The following PTPRN2 variants were observed in gnomAD, a reference collection of about 807,000 sequenced individuals.
PTPRN2 encodes receptor-type tyrosine-protein phosphatase N2.
PTPRN2 carries 74 observed loss-of-function variants against 118.8 expected under a neutral mutation model. The ratio of observed to expected loss-of-function variants is 0.62; its 90% confidence interval spans 0.52 to 0.76. The LOEUF (loss-of-function observed/expected upper bound fraction) is 0.76, where lower values mean the gene tolerates loss of function less well. Ranked by LOEUF, PTPRN2 falls within the 30% of genes least tolerant of loss-of-function variation. The probability of loss-of-function intolerance (pLI) is 0.00; values close to 1 mark genes in which losing one functional copy is unlikely to be tolerated. For synonymous variants in PTPRN2, 641 were observed against 608.0 expected (o/e 1.05, Z -0.80); for missense variants, 1,481 against 1,394.4 (o/e 1.06, Z -0.99).
chr7:157,609,496 G>T lies in PTPRN2; in HGVS notation c.2345-5421C>A, dbSNP rs1802202852. On this transcript the variant is annotated intron_variant, in intron 15 of 22. Transcript: ENST00000389418. This position sits in a 1 kb window ranked among gnomAD's most constrained non-coding sequence, Gnocchi z 4.9. ...CATCCTGGACCCAGTGGCCATCCTG[G>T]ACCACGGACAGAACAGGGACTACTT... 6.6e-6 allele frequency among the ~76,000 whole-genome samples: 1 copy of T among 152,168 alleles called. No homozygotes were observed. The highest frequency in any genetic ancestry group is 6.5e-5 in the Admixed American group (1 of 15,278).
chr7:157,786,149 C>G (rs1761349909), intron 12 of PTPRN2, among the ~76,000 whole-genome samples: 1 of 152,220 alleles, frequency 6.6e-6, no homozygotes, highest in African/African-American at 2.4e-5. Flanking sequence ...CTCGGGCCAG[C>G]CCTGCGTGGG....
chr7:158,417,374 A>G (rs1461846467), intron 2 of PTPRN2, among the ~76,000 whole-genome samples: 1 of 151,740 alleles, frequency 6.6e-6, no homozygotes, highest in Non-Finnish European at 1.5e-5. Context: ...GGTGTACTAC[A>G]TCGAGATGCT....
intron 1 of PTPRN2, among the ~76,000 whole-genome samples, chr7:158,585,138 C>T (rs1444360146): frequency 2.6e-5 from 4 of 152,174 alleles, no homozygotes; most frequent in Non-Finnish European, 4.4e-5. Context: ...AAGATCCAGA[C>T]AGGAGAGAAA....
intron 11 of PTPRN2, among the ~76,000 whole-genome samples, chr7:157,909,888 G>T (rs1038110570): frequency 6.6e-5 from 10 of 152,218 alleles, no homozygotes; most frequent in African/African-American, 2.4e-4. Context: ...TCTGTTGAGG[G>T]AATGAATAAG....
chr7:157,997,267 G>T (rs1804822535), intron 11 of PTPRN2, among the ~76,000 whole-genome samples: 1 of 152,238 alleles, frequency 6.6e-6, no homozygotes, highest in South Asian at 2.1e-4. Flanking sequence ...GGGCCCGCCT[G>T]GCCTGGGCTC....
chr7:157,648,497 C>T (rs878866181), intron 14 of PTPRN2, among the ~76,000 whole-genome samples: 21 of 104,424 alleles, frequency 2.0e-4, no homozygotes, highest in South Asian at 7.8e-4. Flanking sequence ...CTCGGTGGGT[C>T]GGACCCATCC....
chr7:157,648,489 C>T (rs867920274), intron 14 of PTPRN2, among the ~76,000 whole-genome samples: 39 of 121,078 alleles, frequency 3.2e-4, no homozygotes, highest in African/African-American at 9.1e-4. Flanking sequence ...GCACTGAACT[C>T]GGTGGGTCGG....
intron 1 of PTPRN2, among the ~76,000 whole-genome samples, chr7:158,512,586 G>A (rs967448430): frequency 2.6e-5 from 4 of 151,806 alleles, no homozygotes; most frequent in Admixed American, 2.6e-4. Context: ...ACATCTTCTC[G>A]CTCCGTCAGC....
intron 3 of PTPRN2, among the ~76,000 whole-genome samples, chr7:158,268,333 G>C (rs1042325491): frequency 6.6e-6 from 1 of 151,040 alleles, no homozygotes; most frequent in African/African-American, 2.4e-5. Flanking sequence ...CACGCACACA[G>C]GGCGGGTGTG....
At chr7:158,112,324 A>ACC (rs1383662436) in intron 9 of PTPRN2, among the ~76,000 whole-genome samples, 1 of 152,212 alleles carries the variant, frequency 6.6e-6, no homozygotes, top group Non-Finnish European at 1.5e-5. Context: ...CCCCGTTTGA[A>ACC]CAGAGGTGAA....
chr7:158,164,222 C>G (rs898705281), intron 6 of PTPRN2, among the ~76,000 whole-genome samples: 1 of 152,060 alleles, frequency 6.6e-6, no homozygotes, highest in Non-Finnish European at 1.5e-5. Context: ...AACAGGAGCG[C>G]GCAGGAAGGG....
At chr7:158,489,404 C>T (rs891773094) in intron 2 of PTPRN2, among the ~76,000 whole-genome samples, 1 of 152,216 alleles carries the variant, frequency 6.6e-6, no homozygotes, top group East Asian at 1.9e-4. Context: ...AGGAGATAGC[C>T]CCGCTGCCCT....
chr7:158,206,752 G>A (rs1269418303), intron 3 of PTPRN2, among the ~76,000 whole-genome samples: 2 of 151,830 alleles, frequency 1.3e-5, no homozygotes, highest in Non-Finnish European at 2.9e-5. Flanking sequence ...TATGGCTGCA[G>A]GGATTAAAAA....
intron 14 of PTPRN2, among the ~76,000 whole-genome samples, chr7:157,633,181 C>A (rs920778448): frequency 1.3e-4 from 20 of 150,840 alleles, no homozygotes; most frequent in Non-Finnish European, 2.4e-4. Flanking sequence ...CACTCTGTTG[C>A]CCAGGCTGGA....
At chr7:157,667,339 C>T (rs1379935846) in intron 13 of PTPRN2, among the ~76,000 whole-genome samples, 5 of 133,004 alleles carry the variant, frequency 3.8e-5, no homozygotes, top group Non-Finnish European at 3.2e-5. Flanking sequence ...ACACTCGGCC[C>T]GTGGGACACT....
chr7:157,611,249 A>G lies in PTPRN2; in HGVS notation c.2345-7174T>C, dbSNP rs1802314653. ...CAGATCTCTCAGAAAGTCGCCCCCC[A>G]ATGGGATCGGAAGCATGTTGGGCAG... On this transcript the variant is annotated intron_variant, in intron 15 of 22. Coordinates refer to ENST00000389418, the MANE Select transcript of PTPRN2 (RefSeq NM_002847.5). This position sits in a 1 kb window ranked among gnomAD's most constrained non-coding sequence, Gnocchi z 5.9. Among the ~76,000 whole-genome samples, 1 of 152,046 alleles carries G rather than the reference A, an allele frequency of 6.6e-6. No homozygotes were observed. Among genetic ancestry groups the G allele is most frequent in the Non-Finnish European group, 1.5e-5 (1 of 68,014 alleles).
At position 157,868,110 on chromosome 7, in the gene PTPRN2, G is replaced by C. The variant is rs138684510; in HGVS notation, c.1788+30563C>G. On this transcript the variant is annotated intron_variant, in intron 12 of 22. Coordinates refer to ENST00000389418, the MANE Select transcript of PTPRN2 (RefSeq NM_002847.5). The surrounding 1 kb of genome is among the most constrained non-coding windows in gnomAD (Gnocchi z 5.2). ...CCCACATGCACCTTAGAAAGGGCCC[G>C]AAACAGTTCACGAGTGGGGTGTGGG... is the stretch of plus-strand genomic sequence containing the variant. Among the ~76,000 whole-genome samples, 2 of 152,210 alleles carry C rather than the reference G, an allele frequency of 1.3e-5. No individual in the cohort carries two copies. Among genetic ancestry groups the C allele is most frequent in the African/African-American group, 4.8e-5 (2 of 41,456 alleles).
At chr7:157,867,921 C>T (rs1025228463) in intron 12 of PTPRN2, among the ~76,000 whole-genome samples, 19 of 152,160 alleles carry the variant, frequency 1.2e-4, no homozygotes, top group African/African-American at 3.9e-4. Flanking sequence ...CAGCATGCCC[C>T]CAGAGTCCAC....
In PTPRN2 at chr7:158,142,073, A is replaced by G. The variant is rs554286497; in HGVS notation, c.911-3558T>C. Among the ~76,000 whole-genome samples, 16 of 152,168 alleles carry G rather than the reference A, an allele frequency of 1.1e-4. No individual in the cohort carries two copies. In the South Asian group the frequency reaches 3.1e-3, roughly 30 times the overall value. ...GTTGAAGTGTCCGTATTAACCCCAC[A>G]TTTCTGATGCTCTGACATCTGGGGC... On this transcript the variant is annotated intron_variant, in intron 6 of 22. Transcript: ENST00000389418.
Sources: gnomAD v4.1 joint callset for allele counts (sites outside exome capture counted in the v4.1 genomes callset) on GRCh38, gnomAD v4.1.1 for gene constraint, Gnocchi (gnomAD v3.1) non-coding constraint, MANE v1.5 for transcripts, NCBI Gene and HGNC (gene_info 2026-07-23, HGNC 2026-07-21) for gene names.